The following SPAG4 variants were observed in gnomAD, a reference collection of about 807,000 sequenced individuals.
SPAG4 encodes the protein sperm associated antigen 4.
A neutral mutation model predicts 53.9 loss-of-function variants in SPAG4; 54 were observed. The ratio of observed to expected loss-of-function variants is 1.00; its 90% confidence interval spans 0.80 to 1.26. SPAG4 has a LOEUF of 1.26. Among genes scored for constraint, SPAG4 ranks in the 50% most tolerant of loss-of-function variants. The pLI is 0.00. For missense variants in SPAG4, 548 were observed against 568.6 expected (o/e 0.96, Z 0.37); for synonymous variants, 246 against 237.4 (o/e 1.04, Z -0.33).
chr20:35,619,144 G>A, intron 8 of SPAG4, 51 bp from the exon 9 acceptor site: 2 of 307,584 alleles, frequency 6.5e-6, no homozygotes, highest in Non-Finnish European at 9.4e-6. Flanking sequence ...CCCGCGCCCC[G>A]ACTCCCGGCA....
chr20:35,617,575 C>G lies in SPAG4; in HGVS notation c.465C>G (p.Val155=), dbSNP rs757454221. ...VLLSLAGDVL[V]SMYREVCSIR... ...TATCCCTGGCAGGAGACGTGCTGGT[C>G]AGCATGTACAGGTCAGAGGAAGGGA... The change falls in exon 3 of 12, where the codon GTC becomes GTG. Residue 155 remains valine (V), a synonymous_variant. Transcript: ENST00000374273. 3.7e-6 allele frequency: 6 copies of G among 1,607,124 alleles called. No homozygotes were observed. Among genetic ancestry groups the G allele is most frequent in the South Asian group, 3.3e-5 (3 of 89,938 alleles).
In SPAG4 at chr20:35,620,866, G is replaced by A. The variant is rs188498604; in HGVS notation, c.1168-10G>A. 8.4e-5 allele frequency: 135 copies of A among 1,613,820 alleles called. 1 individual carries two copies. In the East Asian group the frequency reaches 1.9e-3, roughly 22 times the overall value. On this transcript the variant is annotated splice_polypyrimidine_tract_variant and intron_variant, in intron 11 of 11. Transcript: ENST00000374273. ...GGGCAGCCCTTGGCATGATCCATTT[G>A]TCTCCCCAGAATGACCCCCCAGCTG...
chr20:35,620,634 C>G (rs745515669), intron 10 of SPAG4, 50 bp from the exon 11 acceptor site: 16 of 580,318 alleles, frequency 2.8e-5, no homozygotes, highest in East Asian at 2.1e-4. Flanking sequence ...CCGCCCCCCC[C>G]GCCCCACCTG....
chr20:35,616,476 T>A (rs1309379147), intron 1 of SPAG4, 169 bp downstream of exon 1: 1 of 767,032 alleles, frequency 1.3e-6, no homozygotes, highest in Non-Finnish European at 1.6e-6. Flanking sequence ...AGCCTCGGTG[T>A]CCTGGACGGT....
chr20:35,617,096 T>C (rs2146260664), intron 1 of SPAG4, 40 bp from the exon 2 acceptor site: 1 of 1,337,664 alleles, frequency 7.5e-7, no homozygotes, highest in East Asian at 2.5e-5. Context: ...AATAGGTCTG[T>C]GGTCCGCAAG....
At chr20:35,619,788 A>G (rs1786472142) in intron 10 of SPAG4, 42 bp downstream of exon 10, 1 of 1,579,438 alleles carries the variant, frequency 6.3e-7, no homozygotes, top group Admixed American at 1.7e-5. Flanking sequence ...TTTTGCCTAG[A>G]GAGCCCAAGC....
rs1252184314 is a variant in SPAG4 at position 35,619,741 on chromosome 20, G to T, written c.1072G>T (p.Val358Phe). 3 of 1,608,424 alleles carry T rather than the reference G, an allele frequency of 1.9e-6. No homozygotes were observed. The highest frequency in any genetic ancestry group is 1.7e-5 in the Admixed American group (1 of 59,914). The change falls in exon 10 of 12, where the codon GTC becomes TTC. Residue 358 changes from valine (V) to phenylalanine (F), a missense_variant. Physicochemically the swap from Val to Phe is conservative, Grantham distance 50. Transcript: ENST00000374273. ...GANSAPRDFA[V>F]FGLQVYDETE... ...CAACAGCGCCCCCCGCGATTTCGCG[G>T]TCTTTGTGAGTGCGGACGAGGTCAG...
intron 2 of SPAG4, 38 bp downstream of exon 2, chr20:35,617,278 G>GGGTTCCCCTCTCCGAACTCC: frequency 7.0e-7 from 1 of 1,431,310 alleles, no homozygotes; most frequent in Non-Finnish European, 9.7e-7. Context: ...TCTGACCCTC[G>GGGTTCCCCTCTCCGAACTCC]GGTTCCCCTC....
In SPAG4 at chr20:35,616,195, G is replaced by C. The variant is rs1359224708; in HGVS notation, c.192G>C (p.Ala64=). Residue 64 remains alanine, a synonymous_variant, in exon 1 of 12, where the codon GCG becomes GCC. Transcript: ENST00000374273. ...GCTGCGGTGAGCCCGCCTTGAGCGC[G>C]GGAGTGCCCGGAGGAACCACATGGG... The part of the protein sequence containing the change: ...GPSCGEPALS[A]GVPGGTTWAG... 4.4e-6 allele frequency: 7 copies of C among 1,588,222 alleles called. No homozygotes were observed. Among genetic ancestry groups the C allele is most frequent in the Non-Finnish European group, 5.1e-6 (6 of 1,169,174 alleles).
rs1197356196 is a variant in SPAG4, at chr20:35,618,437, C to T, written c.583-13C>T. 1.9e-6 allele frequency: 3 copies of T among 1,613,830 alleles called. No homozygotes were observed. The highest frequency in any genetic ancestry group is 2.5e-6 in the Non-Finnish European group (3 of 1,179,990). On this transcript the variant is annotated splice_polypyrimidine_tract_variant and intron_variant, in intron 5 of 11. Coordinates refer to ENST00000374273, the MANE Select transcript of SPAG4 (RefSeq NM_003116.3). ...AGCTGAGCGGCTCTGTGTTTTGTCCCTTCATCCAACAGGAACCTAAGGAGA... is the reference window on the plus strand; with the variant it reads ...AGCTGAGCGGCTCTGTGTTTTGTCCTTTCATCCAACAGGAACCTAAGGAGA...
Position 35,618,681 on chromosome 20 carries a change from C to T in SPAG4, c.678C>T (p.Leu226=). The T allele has an allele frequency of 6.3e-7, 1 of 1,593,314 alleles. No individual in the cohort carries two copies. Among genetic ancestry groups the T allele is most frequent in the Non-Finnish European group, 8.5e-7 (1 of 1,169,692 alleles). The part of the protein sequence containing the change: ...LQQLQAELDK[L]HKEVSTVRAA... ...AGCTCCAGGCCGAGCTGGATAAACTCCACAAGGAGGTGTCCACTGTTCGGG... is the reference window on the plus strand; with the variant it reads ...AGCTCCAGGCCGAGCTGGATAAACTTCACAAGGAGGTGTCCACTGTTCGGG... Residue 226 remains leucine (L), a synonymous_variant, in exon 7 of 12, where the codon CTC becomes CTT. Coordinates refer to ENST00000374273, the MANE Select transcript of SPAG4 (RefSeq NM_003116.3).
rs369139340 is a variant in SPAG4 at position 35,620,738 on chromosome 20, G to A, written c.1132G>A (p.Val378Ile). 1.9e-6 allele frequency: 3 copies of A among 1,606,802 alleles called. No homozygotes were observed. Among genetic ancestry groups the A allele is most frequent in the Non-Finnish European group, 2.5e-6 (3 of 1,176,550 alleles). Residue 378 changes from valine (V) to isoleucine (I), a missense_variant, in exon 11 of 12, where the codon GTT becomes ATT. Coordinates refer to ENST00000374273, the MANE Select transcript of SPAG4 (RefSeq NM_003116.3). ...EVSLGKFTFD[V>I]EKSEIQTFHL... Reference sequence around the variant, plus strand: ...TTCCTTGGGGAAATTCACCTTCGATGTTGAGAAATCGGAGATTCAGACTTT... The same window carrying A: ...TTCCTTGGGGAAATTCACCTTCGATATTGAGAAATCGGAGATTCAGACTTT...
rs76103999 is a variant in SPAG4, at chr20:35,619,724, C to T, written c.1055C>T (p.Ala352Val). 4.3e-6 allele frequency: 7 copies of T among 1,609,784 alleles called. No individual in the cohort carries two copies. The highest frequency in any genetic ancestry group is 4.5e-5 in the East Asian group (2 of 44,588). ...GAGCACACCGGAGGAGCCAACAGCGCCCCCCGCGATTTCGCGGTCTTTGTG... is the reference window on the plus strand; with the variant it reads ...GAGCACACCGGAGGAGCCAACAGCGTCCCCCGCGATTTCGCGGTCTTTGTG... ...SVEHTGGANS[A>V]PRDFAVFGLQ... Residue 352 changes from alanine (A) to valine (V), a missense_variant, in exon 10 of 12, where the codon GCC (alanine) becomes GTC (valine). By Grantham distance (64) the Ala-to-Val change is moderately conservative. Coordinates refer to ENST00000374273, the MANE Select transcript of SPAG4 (RefSeq NM_003116.3).
In SPAG4 at chr20:35,617,507, G is replaced by A; in HGVS notation, c.410-13G>A. The A allele has an allele frequency of 6.3e-7, 1 of 1,582,324 alleles. No homozygotes were observed. The highest frequency in any genetic ancestry group is 8.6e-7 in the Non-Finnish European group (1 of 1,162,970). Reference sequence around the variant, plus strand: ...GCCGTGGGCCCCTCTCTGACCCTCTGTCCTGGCCTCAGGCCTGCTCTTCCA... The same window carrying A: ...GCCGTGGGCCCCTCTCTGACCCTCTATCCTGGCCTCAGGCCTGCTCTTCCA... On this transcript the variant is annotated splice_polypyrimidine_tract_variant and intron_variant, in intron 2 of 11. Coordinates refer to ENST00000374273, the MANE Select transcript of SPAG4 (RefSeq NM_003116.3).
chr20:35,617,573 G>T lies in SPAG4; in HGVS notation c.463G>T (p.Val155Phe). ...VLLSLAGDVL[V>F]SMYREVCSIR... is the part of the protein sequence containing the mutation. ...GTTATCCCTGGCAGGAGACGTGCTG[G>T]TCAGCATGTACAGGTCAGAGGAAGG... The change falls in exon 3 of 12, where the codon GTC becomes TTC. Residue 155 changes from valine (V) to phenylalanine (F), a missense_variant. Transcript: ENST00000374273. 6.2e-7 allele frequency: 1 copy of T among 1,607,072 alleles called. No homozygotes were observed. The highest frequency in any genetic ancestry group is 1.7e-5 in the Admixed American group (1 of 58,700).
chr20:35,618,507 G>A (rs1451242331), intron 6 of SPAG4, 32 bp downstream of exon 6: 1 of 1,613,398 alleles, frequency 6.2e-7, no homozygotes, highest in Admixed American at 1.7e-5. Flanking sequence ...GGGAAATTGG[G>A]GGGCTCAAAG....
intron 10 of SPAG4, 58 bp from the exon 11 acceptor site, chr20:35,620,626 G>GCAC: frequency 3.6e-6 from 1 of 278,378 alleles, no homozygotes; most frequent in South Asian, 3.1e-5. Context: ...TCTTCTCCCC[G>GCAC]CCCCCCCCGC....
chr20:35,620,832 C>CCAGGAGGAT (rs2031556487), intron 11 of SPAG4, 44 bp from the exon 12 acceptor site: 9 of 1,612,828 alleles, frequency 5.6e-6, no homozygotes, highest in Non-Finnish European at 7.6e-6. Flanking sequence ...GATGAATGAT[C>CCAGGAGGAT]CAGGAGGAGG....
In SPAG4 at chr20:35,616,325, C is replaced by T; in HGVS notation, c.304+18C>T. On this transcript the variant is annotated intron_variant, in intron 1 of 11. Transcript: ENST00000374273. The stretch of plus-strand genomic sequence containing the variant: ...GGCCTCGGGTGCGGGCGGGGTCGAC[C>T]CCGGGTGAGCCAGTGGAGGGGGCGG... 6.9e-7 allele frequency: 1 copy of T among 1,451,590 alleles called. No homozygotes were observed. The highest frequency in any genetic ancestry group is 1.5e-5 in the African/African-American group (1 of 68,872). The allele number at this position is 1,451,590 out of a possible 1,614,324, so 89.9% of individuals were successfully genotyped here. A position where few individuals can be genotyped will look rare whatever the true frequency, so the allele number is the denominator to read the frequency against.
Sources: allele counts gnomAD v4.1 joint callset, GRCh38; gene constraint gnomAD v4.1.1; transcripts MANE v1.5; gene names NCBI Gene and HGNC (gene_info 2026-07-23, HGNC 2026-07-21).